The following ZNF829 variants were observed in gnomAD, a reference collection of about 807,000 sequenced individuals.
The protein encoded by ZNF829 is zinc finger protein 829.
ZNF829 carries 25 observed loss-of-function variants against 35.2 expected under a neutral mutation model. That is an observed-to-expected ratio of 0.71 (90% CI 0.52 to 0.99). The LOEUF (loss-of-function observed/expected upper bound fraction) is 0.99. Ranked by LOEUF, ZNF829 falls within the 50% of genes least tolerant of loss-of-function variation. The probability of loss-of-function intolerance (pLI) is 0.00; values close to 1 mark genes in which losing one functional copy is unlikely to be tolerated. For missense variants in ZNF829, 417 were observed against 515.3 expected, an observed-to-expected ratio of 0.81 and a Z score of 1.85; for synonymous variants, 136 against 163.2, an observed-to-expected ratio of 0.83 and a Z score of 1.27.
chr19:36,914,622 TG>T (rs1291156666), intron 3 of ZNF829, among the ~76,000 whole-genome samples: 1 of 152,180 alleles, frequency 6.6e-6, no homozygotes, highest in Non-Finnish European at 1.5e-5. Context: ...TTTGATGACA[TG>T]GGAGAATATT....
chr19:36,916,169 T>C lies in ZNF829; in HGVS notation c.-243A>G. The C allele has an allele frequency of 1.9e-6, 1 of 515,388 alleles. No individual in the cohort carries two copies. The highest frequency in any genetic ancestry group is 3.4e-6 in the Non-Finnish European group (1 of 291,456). 31.9% of individuals were successfully genotyped at this position (515,388 alleles called of 1,614,324 possible). On this transcript the variant is annotated 5_prime_UTR_variant, in exon 1 of 6. Transcript: ENST00000391711. This position sits in a 1 kb window ranked among gnomAD's most constrained non-coding sequence, Gnocchi z 5.3. The stretch of plus-strand genomic sequence containing the variant: ...GGGCCCACCCGAAACGGCTGCTCCC[T>C]CAACTCTCAACATCCAGCCGAGCCT...
At chr19:36,905,071 T>C (rs887669274) in intron 5 of ZNF829, among the ~76,000 whole-genome samples, 1 of 152,168 alleles carries the variant, frequency 6.6e-6, no homozygotes, top group Admixed American at 6.5e-5. Flanking sequence ...CAACATCTAC[T>C]TCTAGGGCTC....
At chr19:36,912,389 G>C (rs111622717) in intron 3 of ZNF829, among the ~76,000 whole-genome samples, 2,319 of 152,096 alleles carry the variant, frequency 0.015, 23 homozygotes, top group Middle Eastern at 0.034. Context: ...GAAATTATGA[G>C]GAAAAAGTTT....
At position 36,915,312 on chromosome 19, in the gene ZNF829, G is replaced by A; in HGVS notation, c.-84-61C>T. 3 of 1,527,132 alleles carry A rather than the reference G, an allele frequency of 2.0e-6. No homozygotes were observed. In the South Asian group the frequency reaches 3.8e-5, roughly 19 times the overall value. The allele number at this position is 1,527,132 out of a possible 1,614,324, so 94.6% of individuals were successfully genotyped here. A position where few individuals can be genotyped will look rare whatever the true frequency, so the allele number is the denominator to read the frequency against. On this transcript the variant is annotated intron_variant, in intron 1 of 5. Transcript: ENST00000391711. Reference sequence around the variant, plus strand: ...TGACAGGACCCCATACTCATACACAGAATGCCACATACATTTAGGGACAGT... The same window carrying A: ...TGACAGGACCCCATACTCATACACAAAATGCCACATACATTTAGGGACAGT...
chr19:36,897,082 A>G lies in ZNF829; in HGVS notation c.320-4611T>C, dbSNP rs2098585. On this transcript the variant is annotated intron_variant, in intron 5 of 5. Coordinates refer to ENST00000391711, the MANE Select transcript of ZNF829 (RefSeq NM_001037232.4). ...GCAATAGTAAAATGTCTCCCAACAA[A>G]AAAAGCCCAAGACTAAAGGGCTTTA... 2.1e-3 allele frequency among the ~76,000 whole-genome samples: 325 copies of G among 152,308 alleles called. 11 individuals carry two copies. Among genetic ancestry groups the G allele is most frequent in the Admixed American group, 0.02 (303 of 15,272 alleles).
At chr19:36,908,053 G>A (rs1412870327) in intron 4 of ZNF829, 29 bp from the exon 5 acceptor site, 1 of 1,596,966 alleles carries the variant, frequency 6.3e-7, no homozygotes, top group South Asian at 1.1e-5. Flanking sequence ...ATGGGACATG[G>A]TTATGCTGTG....
chr19:36,913,872 G>A (rs1339891374), intron 3 of ZNF829, among the ~76,000 whole-genome samples: 3 of 152,076 alleles, frequency 2.0e-5, no homozygotes, highest in Non-Finnish European at 4.4e-5. Flanking sequence ...CAAGGGAGAC[G>A]AGCTAATCAA....
chr19:36,908,436 A>T lies in ZNF829; in HGVS notation c.120T>A (p.Val40=). The T allele has an allele frequency of 6.2e-7, 1 of 1,604,742 alleles. No homozygotes were observed. The highest frequency in any genetic ancestry group is 8.5e-7 in the Non-Finnish European group (1 of 1,176,518). Residue 40 remains valine, a synonymous_variant, in exon 4 of 6, where the codon GTT becomes GTA. Transcript: ENST00000391711. ...VSKGPVMFRD[V]SIDFSQEEWE... is the part of the protein sequence containing the mutation. ...ATTCCTCTTGAGAGAAGTCTATGGA[A>T]ACATCCCTGAACATCACCGGCCCCT... is the stretch of plus-strand genomic sequence containing the variant.
chr19:36,902,058 T>C, intron 5 of ZNF829: 1 of 572,044 alleles, frequency 1.7e-6, no homozygotes. Context: ...TATACTTTGG[T>C]TATCTATGTA....
At chr19:36,909,742 G>C (rs890775927) in intron 3 of ZNF829, among the ~76,000 whole-genome samples, 5 of 151,600 alleles carry the variant, frequency 3.3e-5, no homozygotes, top group African/African-American at 1.2e-4. Context: ...GGGAGGCGGA[G>C]GTTGCAGTGA....
chr19:36,891,386 G>T lies in ZNF829; in HGVS notation c.*106C>A. 2 of 1,185,678 alleles carry T rather than the reference G, an allele frequency of 1.7e-6. No individual in the cohort carries two copies. Among genetic ancestry groups the T allele is most frequent in the Non-Finnish European group, 2.3e-6 (2 of 880,056 alleles). The allele number at this position is 1,185,678 out of a possible 1,614,324, so 73.4% of individuals were successfully genotyped here. A position where few individuals can be genotyped will look rare whatever the true frequency, so the allele number is the denominator to read the frequency against. On this transcript the variant is annotated 3_prime_UTR_variant, in exon 6 of 6. Coordinates refer to ENST00000391711, the MANE Select transcript of ZNF829 (RefSeq NM_001037232.4). ...CTTTGTTATCGTATCGTTTAAAAACGAATACATAGGAGAACCTTTGATAAT... is the reference window on the plus strand; with the variant it reads ...CTTTGTTATCGTATCGTTTAAAAACTAATACATAGGAGAACCTTTGATAAT...
In ZNF829 at chr19:36,916,215, G is replaced by T. The variant is rs1033203600; in HGVS notation, c.-289C>A. Reference sequence around the variant, plus strand: ...AGCCTCGGAGTTGCGGGTCGCCGTAGCGCTGCGCAATGGAGATGAGCCTCC... The same window carrying T: ...AGCCTCGGAGTTGCGGGTCGCCGTATCGCTGCGCAATGGAGATGAGCCTCC... On this transcript the variant is annotated 5_prime_UTR_variant, in exon 1 of 6. Coordinates refer to ENST00000391711, the MANE Select transcript of ZNF829 (RefSeq NM_001037232.4). This position sits in a 1 kb window ranked among gnomAD's most constrained non-coding sequence, Gnocchi z 5.3. 2.3e-5 allele frequency: 10 copies of T among 437,408 alleles called. No homozygotes were observed. Among genetic ancestry groups the T allele is most frequent in the African/African-American group, 1.8e-4 (9 of 48,882 alleles). The allele number at this position is 437,408 out of a possible 1,614,324, so 27.1% of individuals were successfully genotyped here.
intron 5 of ZNF829, chr19:36,893,138 G>A (rs1180889602): frequency 5.0e-6 from 2 of 396,050 alleles, no homozygotes; most frequent in East Asian, 3.6e-5. Context: ...AATGTCGGGG[G>A]CGGGTGGAGT....
At chr19:36,894,138 T>C (rs2073089291) in intron 5 of ZNF829, among the ~76,000 whole-genome samples, 1 of 152,030 alleles carries the variant, frequency 6.6e-6, no homozygotes, top group South Asian at 2.1e-4. Flanking sequence ...TCATCACAGC[T>C]TCCACTAACA....
rs1438583998 is a variant in ZNF829 at position 36,907,118 on chromosome 19, T to C, written c.319+811A>G. ...AAAAAAAAAAAAAAAAAAATGTATA[T>C]ATATATATATATGTATATATTCATA... On this transcript the variant is annotated intron_variant, in intron 5 of 5. Coordinates refer to ENST00000391711, the MANE Select transcript of ZNF829 (RefSeq NM_001037232.4). 8 of 136,922 alleles carry C rather than the reference T, an allele frequency of 5.8e-5. No individual in the cohort carries two copies. In the East Asian group the frequency reaches 1.4e-3, roughly 24 times the overall value. The allele number at this position is 136,922 out of a possible 1,614,324, so 8.5% of individuals were successfully genotyped here. A position where few individuals can be genotyped will look rare whatever the true frequency, so the allele number is the denominator to read the frequency against.
rs1369704403 is a variant in ZNF829, at chr19:36,892,057, C to T, written c.734G>A (p.Cys245Tyr). 6.2e-7 allele frequency: 1 copy of T among 1,614,002 alleles called. No individual in the cohort carries two copies. The highest frequency in any genetic ancestry group is 8.5e-7 in the Non-Finnish European group (1 of 1,179,960). Residue 245 changes from cysteine (C) to tyrosine (Y), a missense_variant, in exon 6 of 6, where the codon TGT (cysteine) becomes TAT (tyrosine). By Grantham distance (194) the Cys-to-Tyr change is radical (BLOSUM62 -2). Coordinates refer to ENST00000391711, the MANE Select transcript of ZNF829 (RefSeq NM_001037232.4). ...TGAGCAATACTTAAAGGCTTTTCCA[C>T]ATTCCTTACATTCATAGGGTTTCTC... ...TGEKPYECKE[C>Y]GKAFKYCSNL...
At chr19:36,901,852 C>A in intron 5 of ZNF829, 1 of 745,800 alleles carries the variant, frequency 1.3e-6, no homozygotes. Flanking sequence ...ATGGAGTGGG[C>A]TTCAAGAAGC....
At position 36,892,115 on chromosome 19, in the gene ZNF829, A is replaced by G; in HGVS notation, c.676T>C (p.Tyr226His). The G allele has an allele frequency of 6.2e-7, 1 of 1,613,974 alleles. No individual in the cohort carries two copies. ...TGAATCCTCTGATGTTGAGAAAAAT[A>G]TGAACTACAACTAAAAGCCTTGCCA... The part of the protein sequence containing the change: ...ECGKAFSCSS[Y>H]FSQHQRIHTG... Residue 226 changes from tyrosine (Y) to histidine (H), a missense_variant, in exon 6 of 6, where the codon TAT (tyrosine) becomes CAT (histidine). Coordinates refer to ENST00000391711, the MANE Select transcript of ZNF829 (RefSeq NM_001037232.4).
At chr19:36,900,198 A>AC (rs1568369503) in intron 5 of ZNF829, among the ~76,000 whole-genome samples, 5 of 132,072 alleles carry the variant, frequency 3.8e-5, no homozygotes, top group African/African-American at 1.4e-4. Context: ...ACACACACAC[A>AC]AATTTGCTGG....
Sources: allele counts gnomAD v4.1 joint callset (sites outside exome capture counted in the v4.1 genomes callset), GRCh38; gene constraint gnomAD v4.1.1; non-coding constraint Gnocchi (gnomAD v3.1); transcripts MANE v1.5; gene names NCBI Gene and HGNC (gene_info 2026-07-23, HGNC 2026-07-21).